The following LSM11 variants were observed in gnomAD, a reference collection of about 807,000 sequenced individuals.
LSM11 encodes the protein LSM11, U7 small nuclear RNA associated.
LSM11 carries 14 observed loss-of-function variants against 28.1 expected under a neutral mutation model. That is an observed-to-expected ratio of 0.50 (90% CI 0.33 to 0.78). The LOEUF (loss-of-function observed/expected upper bound fraction) is 0.78. Ranked by LOEUF, LSM11 falls within the 30% of genes least tolerant of loss-of-function variation. The pLI, the probability that LSM11 is intolerant of heterozygous loss-of-function variation, is 0.02. For missense variants in LSM11, 495 were observed against 510.6 expected (o/e 0.97, Z 0.30); for synonymous variants, 207 against 214.2 (o/e 0.97, Z 0.30).
At chr5:157,751,826 A>G (rs1294114463) in intron 2 of LSM11, among the ~76,000 whole-genome samples, 1 of 152,186 alleles carries the variant, frequency 6.6e-6, no homozygotes, top group African/African-American at 2.4e-5. Context: ...ACTGGCATCT[A>G]ATTGGTAGAG....
At chr5:157,747,420 A>G (rs1172916590) in intron 1 of LSM11, 1 of 189,290 alleles carries the variant, frequency 5.3e-6, no homozygotes, top group Non-Finnish European at 1.1e-5. Flanking sequence ...TATGACATGC[A>G]GGGTTTGGCT....
intron 2 of LSM11, 61 bp downstream of exon 2, chr5:157,751,590 T>G (rs1761232546): frequency 7.2e-6 from 11 of 1,537,112 alleles, no homozygotes; most frequent in African/African-American, 4.2e-5. Context: ...TCTATAATAT[T>G]TAAAGGACCT....
At position 157,743,837 on chromosome 5, in the gene LSM11, C is replaced by T. The variant is rs1268790874; in HGVS notation, c.87C>T (p.Asp29=). The T allele has an allele frequency of 6.5e-7, 1 of 1,549,900 alleles. No individual in the cohort carries two copies. Among genetic ancestry groups the T allele is most frequent in the Non-Finnish European group, 8.7e-7 (1 of 1,150,926 alleles). The change falls in exon 1 of 4, where the codon GAC becomes GAT. Residue 29 remains aspartate (D), a synonymous_variant. Coordinates refer to ENST00000286307, the MANE Select transcript of LSM11 (RefSeq NM_173491.4). ...GCCCGCGGCTGGATGTCAGCTCTGA[C>T]AGCTTCGACCCGCTGCTGGCCCTGT... The part of the protein sequence containing the change: ...PPSPRLDVSS[D]SFDPLLALYA...
intron 1 of LSM11, among the ~76,000 whole-genome samples, chr5:157,745,769 C>T (rs1761137886): frequency 1.3e-5 from 2 of 152,174 alleles, no homozygotes. Context: ...GCCCTACATA[C>T]TGAAAATTTT....
chr5:157,754,170 A>T, intron 3 of LSM11, 83 bp downstream of exon 3: 1 of 926,152 alleles, frequency 1.1e-6, no homozygotes, highest in Non-Finnish European at 1.6e-6. Context: ...AGTGACTAGG[A>T]TTTCCTAGAG....
intron 2 of LSM11, among the ~76,000 whole-genome samples, chr5:157,753,338 A>C (rs1315102856): frequency 6.7e-6 from 1 of 150,012 alleles, no homozygotes; most frequent in Non-Finnish European, 1.5e-5. Context: ...AGAATTGAAG[A>C]GAATGTGTTA....
chr5:157,744,169 C>A lies in LSM11; in HGVS notation c.419C>A (p.Ala140Glu), dbSNP rs558600570. ...GRRGPGRSRKAPRNVLTRMPL... is the reference protein window; with the variant it reads ...GRRGPGRSRKEPRNVLTRMPL... ...AGGGGTCCGGGTCGGAGCAGGAAGG[C>A]GCCACGCAACGTGCTCACGCGAATG... The change falls in exon 1 of 4, where the codon GCG (alanine) becomes GAG (glutamate). Residue 140 changes from alanine (A) to glutamate (E), a missense_variant. By Grantham distance (107) the Ala-to-Glu change is moderately radical. Coordinates refer to ENST00000286307, the MANE Select transcript of LSM11 (RefSeq NM_173491.4). 4.4e-6 allele frequency: 6 copies of A among 1,371,900 alleles called. No individual in the cohort carries two copies. The highest frequency in any genetic ancestry group is 3.0e-5 in the East Asian group (1 of 33,332). The allele number at this position is 1,371,900 out of a possible 1,614,324, so 85.0% of individuals were successfully genotyped here. A position where few individuals can be genotyped will look rare whatever the true frequency, so the allele number is the denominator to read the frequency against.
chr5:157,753,133 G>A (rs143701860), intron 2 of LSM11, among the ~76,000 whole-genome samples: 3 of 152,284 alleles, frequency 2.0e-5, no homozygotes, highest in African/African-American at 7.2e-5. Flanking sequence ...AGATCACACT[G>A]TTAGTAAGTG....
At chr5:157,746,502 C>G (rs1761150253) in intron 1 of LSM11, among the ~76,000 whole-genome samples, 1 of 152,178 alleles carries the variant, frequency 6.6e-6, no homozygotes. Context: ...ACAAGGAGTG[C>G]AAAATTAAGT....
chr5:157,758,574 G>T lies in LSM11; in HGVS notation c.*3310G>T, dbSNP rs1335566714. Reference sequence around the variant, plus strand: ...AAAGAAAATGAGGAACATAATGATAGAGTCGGGGAACTCCCACTAGCTCAC... The same window carrying T: ...AAAGAAAATGAGGAACATAATGATATAGTCGGGGAACTCCCACTAGCTCAC... On this transcript the variant is annotated 3_prime_UTR_variant, in exon 4 of 4. Coordinates refer to ENST00000286307, the MANE Select transcript of LSM11 (RefSeq NM_173491.4). The T allele has an allele frequency of 6.6e-6, 1 of 152,178 alleles. No homozygotes were observed. Among genetic ancestry groups the T allele is most frequent in the Non-Finnish European group, 1.5e-5 (1 of 68,042 alleles). The allele number at this position is 152,178 out of a possible 1,614,324, so 9.4% of individuals were successfully genotyped here.
At chr5:157,748,633 A>G (rs1011148997) in intron 1 of LSM11, among the ~76,000 whole-genome samples, 2 of 152,184 alleles carry the variant, frequency 1.3e-5, no homozygotes, top group Non-Finnish European at 2.9e-5. Flanking sequence ...CCGCCACCTG[A>G]GACGCAGACG....
chr5:157,749,588 G>A (rs1546250), intron 1 of LSM11, among the ~76,000 whole-genome samples: 85,611 of 142,230 alleles, frequency 0.6, 24,312 homozygotes, highest in Middle Eastern at 0.68. Flanking sequence ...GCGCACGCGC[G>A]CACACACACA....
rs868153736 is a variant in LSM11, at chr5:157,744,129, G to A, written c.379G>A (p.Ala127Thr). ...MVAKEEGDGA[A>T]GAGRRGPGRS... ...GGCCAAAGAGGAAGGGGACGGGGCC[G>A]CAGGAGCGGGCCGGAGGGGTCCGGG... Residue 127 changes from alanine to threonine, a missense_variant, in exon 1 of 4, where the codon GCA becomes ACA. By Grantham distance (58) the Ala-to-Thr change is moderately conservative. Coordinates refer to ENST00000286307, the MANE Select transcript of LSM11 (RefSeq NM_173491.4). 1 of 1,474,104 alleles carries A rather than the reference G, an allele frequency of 6.8e-7. No individual in the cohort carries two copies. The highest frequency in any genetic ancestry group is 9.0e-7 in the Non-Finnish European group (1 of 1,116,384). The allele number at this position is 1,474,104 out of a possible 1,614,324, so 91.3% of individuals were successfully genotyped here.
Position 157,756,310 on chromosome 5 carries a change from A to G in LSM11, c.*1046A>G, listed in dbSNP as rs1218705407. ...TACAGTGGGTAGTGTCTAAAGCGAC[A>G]CTTTACTCACAGCCTGGCTTGAGTC... On this transcript the variant is annotated 3_prime_UTR_variant, in exon 4 of 4. Coordinates refer to ENST00000286307, the MANE Select transcript of LSM11 (RefSeq NM_173491.4). 6.6e-6 allele frequency: 1 copy of G among 152,662 alleles called. No individual in the cohort carries two copies. The highest frequency in any genetic ancestry group is 2.4e-5 in the African/African-American group (1 of 41,448). The allele number at this position is 152,662 out of a possible 1,614,324, so 9.5% of individuals were successfully genotyped here. A position where few individuals can be genotyped will look rare whatever the true frequency, so the allele number is the denominator to read the frequency against.
In LSM11 at chr5:157,757,387, A is replaced by ATTTAC. The variant is rs1761344270; in HGVS notation, c.*2123_*2124insTTTAC. 1 of 152,138 alleles carries ATTTAC rather than the reference A, an allele frequency of 6.6e-6. No individual in the cohort carries two copies. Among genetic ancestry groups the ATTTAC allele is most frequent in the Non-Finnish European group, 1.5e-5 (1 of 68,030 alleles). 9.4% of individuals were successfully genotyped at this position (152,138 alleles called of 1,614,324 possible). On this transcript the variant is annotated 3_prime_UTR_variant, in exon 4 of 4. Transcript: ENST00000286307. ...GCCTCACCCTTTTCTGATCATTATC[A>ATTTAC]GAAAGAATCCCCTGAACTTTTCAAG...
rs1421559718 is a variant in LSM11 at position 157,744,114 on chromosome 5, G to A, written c.364G>A (p.Glu122Lys). 1.3e-6 allele frequency: 2 copies of A among 1,485,628 alleles called. No homozygotes were observed. Among genetic ancestry groups the A allele is most frequent in the South Asian group, 1.3e-5 (1 of 78,620 alleles). 92.0% of individuals were successfully genotyped at this position (1,485,628 alleles called of 1,614,324 possible). ...RLRRLMVAKE[E>K]GDGAAGAGRR... The stretch of plus-strand genomic sequence containing the variant: ...CCGCCGTCTCATGGTGGCCAAAGAG[G>A]AAGGGGACGGGGCCGCAGGAGCGGG... The change falls in exon 1 of 4, where the codon GAA (glutamate) becomes AAA (lysine). Residue 122 changes from glutamate (E) to lysine (K), a missense_variant. Transcript: ENST00000286307.
chr5:157,750,077 C>T (rs1561620063), intron 1 of LSM11, among the ~76,000 whole-genome samples: 1 of 151,850 alleles, frequency 6.6e-6, no homozygotes, highest in African/African-American at 2.4e-5. Flanking sequence ...AAGAGTGAGA[C>T]TGTGTACGCA....
chr5:157,760,052 A>G lies in LSM11; in HGVS notation c.*4788A>G, dbSNP rs1761386838. On this transcript the variant is annotated 3_prime_UTR_variant, in exon 4 of 4. Transcript: ENST00000286307. ...TTCAGTTAGTCTTTTATTTATTTAG[A>G]ATAAAAAATAGTTTGATAACCTACC... 2 of 152,240 alleles carry G rather than the reference A, an allele frequency of 1.3e-5. No homozygotes were observed. 9.4% of individuals were successfully genotyped at this position (152,240 alleles called of 1,614,324 possible).
rs1304057555 is a variant in LSM11, at chr5:157,743,777, G to A, written c.27G>A (p.Arg9=). The change falls in exon 1 of 4, where the codon AGG becomes AGA. Residue 9 remains arginine, a synonymous_variant. Coordinates refer to ENST00000286307, the MANE Select transcript of LSM11 (RefSeq NM_173491.4). The part of the protein sequence containing the change: MEERERGA[R]SAGAGSPARP... ...TGGAGGAGCGGGAGCGGGGGGCGAG[G>A]TCGGCTGGCGCCGGGAGCCCCGCGC... The A allele has an allele frequency of 1.6e-5, 23 of 1,417,696 alleles. No individual in the cohort carries two copies. The highest frequency in any genetic ancestry group is 1.9e-5 in the Non-Finnish European group (21 of 1,088,182). 87.8% of individuals were successfully genotyped at this position (1,417,696 alleles called of 1,614,324 possible).
Sources: allele counts gnomAD v4.1 joint callset (sites outside exome capture counted in the v4.1 genomes callset), GRCh38; gene constraint gnomAD v4.1.1; transcripts MANE v1.5; gene names NCBI Gene and HGNC (gene_info 2026-07-23, HGNC 2026-07-21).